Variants in SALL3 observed in about 807,000 individuals in gnomAD.
SALL3 encodes the protein spalt like transcription factor 3, also known as sal-like protein 3.
Under a neutral mutation model 66.2 loss-of-function variants are expected in SALL3, and 25 were observed. The ratio of observed to expected loss-of-function variants is 0.38; its 90% CI spans 0.28 to 0.53. The LOEUF (loss-of-function observed/expected upper bound fraction) is 0.53, where lower values mean the gene tolerates loss of function less well. Among genes scored for constraint, SALL3 ranks in the 20% least tolerant of loss-of-function variants. The pLI is 0.85. For synonymous variants in SALL3, 1,152 were observed against 899.1 expected, an observed-to-expected ratio of 1.28 and a Z score of -5.03; for missense variants, 2,194 against 1,916.5, an observed-to-expected ratio of 1.14 and a Z score of -2.70.
At chr18:78,983,083 A>G (rs973780397) in intron 1 of SALL3, among the ~76,000 whole-genome samples, 12 of 152,234 alleles carry the variant, frequency 7.9e-5, no homozygotes, top group African/African-American at 2.4e-4. Context: ...CTAGAATGAG[A>G]AAAAGTAAGG....
chr18:78,994,245 G>C lies in SALL3; in HGVS notation c.2254G>C (p.Val752Leu), dbSNP rs760494400. ...PICQKKFTNA[V>L]VLQQHIRMHM... ...CTGCCAGAAGAAGTTCACCAACGCCGTGGTCCTGCAGCAGCACATCCGCAT... is the reference window on the plus strand; with the variant it reads ...CTGCCAGAAGAAGTTCACCAACGCCCTGGTCCTGCAGCAGCACATCCGCAT... The change falls in exon 2 of 3, where the codon GTG (valine) becomes CTG (leucine). Residue 752 changes from valine to leucine, a missense_variant. By Grantham distance (32) the Val-to-Leu change is conservative. Transcript: ENST00000537592. 2.2e-5 allele frequency: 35 copies of C among 1,613,736 alleles called. No homozygotes were observed. The highest frequency in any genetic ancestry group is 3.0e-5 in the Non-Finnish European group (35 of 1,180,004).
rs764394899 is a variant in SALL3, at chr18:78,993,749, G to A, written c.1758G>A (p.Ser586=). Reference sequence around the variant, plus strand: ...CGGCCACCGCCGAGTCCCCACAGTCGCTCCTCGGCGGGCCGCCCCTCACTA... The same window carrying A: ...CGGCCACCGCCGAGTCCCCACAGTCACTCCTCGGCGGGCCGCCCCTCACTA... The part of the protein sequence containing the change: ...GVSATAESPQ[S]LLGGPPLTKA... Residue 586 remains serine (S), a synonymous_variant, in exon 2 of 3, where the codon TCG becomes TCA. Coordinates refer to ENST00000537592, the MANE Select transcript of SALL3 (RefSeq NM_171999.4). 5.8e-6 allele frequency: 9 copies of A among 1,544,398 alleles called. No individual in the cohort carries two copies. The highest frequency in any genetic ancestry group is 3.8e-5 in the Admixed American group (2 of 52,270).
chr18:78,996,933 C>A lies in SALL3; in HGVS notation c.3514C>A (p.Arg1172Ser). 6.2e-7 allele frequency: 1 copy of A among 1,612,826 alleles called. No homozygotes were observed. The highest frequency in any genetic ancestry group is 1.1e-5 in the South Asian group (1 of 91,070). The part of the protein sequence containing the change: ...THMWNNAPAR[R>S]GRRLSVENPM... ...CATGTGGAATAACGCCCCCGCGAGACGCGGCCGCCGCCTGTCTGTGGAGAA... is the reference window on the plus strand; with the variant it reads ...CATGTGGAATAACGCCCCCGCGAGAAGCGGCCGCCGCCTGTCTGTGGAGAA... The change falls in exon 3 of 3, where the codon CGC becomes AGC. Residue 1172 changes from arginine to serine, a missense_variant. Coordinates refer to ENST00000537592, the MANE Select transcript of SALL3 (RefSeq NM_171999.4).
chr18:78,989,990 ATTT>A (rs1374268488), intron 1 of SALL3, among the ~76,000 whole-genome samples: 1 of 152,236 alleles, frequency 6.6e-6, no homozygotes, highest in Non-Finnish European at 1.5e-5. Context: ...TTTTGTGATT[ATTT>A]TTAAGATACA....
Position 78,993,471 on chromosome 18 carries a change from T to A in SALL3, c.1480T>A (p.Cys494Ser). The A allele has an allele frequency of 6.2e-7, 1 of 1,612,492 alleles. No homozygotes were observed. Among genetic ancestry groups the A allele is most frequent in the Non-Finnish European group, 8.5e-7 (1 of 1,179,830 alleles). ...CGAGTACCTGGACAACGTGCCCACCTGCTCGGGCATCCCCTACGGCATGTC... is the reference window on the plus strand; with the variant it reads ...CGAGTACCTGGACAACGTGCCCACCAGCTCGGGCATCCCCTACGGCATGTC... ...VPEYLDNVPT[C>S]SGIPYGMSLP... The change falls in exon 2 of 3, where the codon TGC becomes AGC. Residue 494 changes from cysteine to serine, a missense_variant. Physicochemically the swap from Cys to Ser is moderately radical, Grantham distance 112. Transcript: ENST00000537592.
rs779333345 is a variant in SALL3, at chr18:78,995,309, G to C, written c.3318G>C (p.Pro1106=). The change falls in exon 2 of 3, where the codon CCG becomes CCC. Residue 1106 remains proline, a synonymous_variant. Transcript: ENST00000537592. Reference sequence around the variant, plus strand: ...TGGCGCCCATGCTGGCCCCCCCACCGCGCCGGACGCCCAAGCAGCACAACT... The same window carrying C: ...TGGCGCCCATGCTGGCCCCCCCACCCCGCCGGACGCCCAAGCAGCACAACT... ...PGLAPMLAPP[P]RRTPKQHNCQ... 4.5e-6 allele frequency: 7 copies of C among 1,568,674 alleles called. No individual in the cohort carries two copies. Among genetic ancestry groups the C allele is most frequent in the Admixed American group, 1.8e-5 (1 of 54,622 alleles).
intron 1 of SALL3, among the ~76,000 whole-genome samples, chr18:78,991,441 A>G (rs1914433219): frequency 6.6e-6 from 1 of 150,460 alleles, no homozygotes; most frequent in South Asian, 2.1e-4. Context: ...TTCTGAGCTG[A>G]TGTAAGAAAC....
In SALL3 at chr18:78,994,650, G is replaced by C; in HGVS notation, c.2659G>C (p.Glu887Gln). Residue 887 changes from glutamate to glutamine, a missense_variant, in exon 2 of 3, where the codon GAG becomes CAG. Coordinates refer to ENST00000537592, the MANE Select transcript of SALL3 (RefSeq NM_171999.4). ...NDSSSAVGDL[E>Q]SRSAGSPALS... ...CTCCTCGTCGGCCGTGGGCGACCTG[G>C]AGAGCCGCAGCGCGGGCAGCCCCGC... 1 of 1,609,308 alleles carries C rather than the reference G, an allele frequency of 6.2e-7. No homozygotes were observed. The highest frequency in any genetic ancestry group is 8.5e-7 in the Non-Finnish European group (1 of 1,178,656).
chr18:78,983,237 T>C (rs1040972263), intron 1 of SALL3, among the ~76,000 whole-genome samples: 2 of 152,248 alleles, frequency 1.3e-5, no homozygotes, highest in East Asian at 3.8e-4. Flanking sequence ...GCTGCAGCTT[T>C]AGGATCCAGT....
intron 1 of SALL3, among the ~76,000 whole-genome samples, chr18:78,990,137 T>G (rs1914377973): frequency 6.6e-6 from 1 of 152,200 alleles, no homozygotes; most frequent in East Asian, 1.9e-4. Flanking sequence ...TTGAGCAAAG[T>G]TGAGTACTTG....
chr18:78,995,176 A>G lies in SALL3; in HGVS notation c.3185A>G (p.Lys1062Arg). 1 of 1,612,934 alleles carries G rather than the reference A, an allele frequency of 6.2e-7. No individual in the cohort carries two copies. Among genetic ancestry groups the G allele is most frequent in the South Asian group, 1.1e-5 (1 of 91,074 alleles). The change falls in exon 2 of 3, where the codon AAA becomes AGA. Residue 1062 changes from lysine to arginine, a missense_variant. Physicochemically the swap from Lys to Arg is conservative, Grantham distance 26. Coordinates refer to ENST00000537592, the MANE Select transcript of SALL3 (RefSeq NM_171999.4). ...LISSAAPTMI[K>R]MEVNGHGKAM... ...TCCAGCGCCGCACCCACCATGATCA[A>G]AATGGAAGTGAACGGTCACGGCAAG... is the stretch of plus-strand genomic sequence containing the variant.
At chr18:78,989,180 G>A (rs1411220574) in intron 1 of SALL3, among the ~76,000 whole-genome samples, 1 of 152,092 alleles carries the variant, frequency 6.6e-6, no homozygotes, top group Admixed American at 6.5e-5. Context: ...TTCCACAATC[G>A]AGAAACAGTT....
rs961174553 is a variant in SALL3 at position 78,983,270 on chromosome 18, CTG to C, written c.82+2917_82+2918del. 3.3e-5 allele frequency among the ~76,000 whole-genome samples: 5 copies of C among 152,198 alleles called. No homozygotes were observed. In the South Asian group the frequency reaches 8.3e-4, roughly 25 times the overall value. On this transcript the variant is annotated intron_variant, in intron 1 of 2. Transcript: ENST00000537592. ...AGTGAACTTTGCGCCACTAGTAATC[CTG>C]TGAGCCAGCTGAATATTTTTGTTCT...
intron 1 of SALL3, chr18:78,991,711 AT>A (rs1914439891): frequency 4.0e-6 from 1 of 250,892 alleles, no homozygotes; most frequent in African/African-American, 2.2e-5. Context: ...GGCATCTCTA[AT>A]TTTGCTGGAA....
intron 1 of SALL3, among the ~76,000 whole-genome samples, chr18:78,988,339 T>C (rs906662325): frequency 1.3e-5 from 2 of 152,218 alleles, no homozygotes; most frequent in African/African-American, 4.8e-5. Context: ...TAATGTCAGA[T>C]TGGCACATAA....
chr18:78,995,168 C>T lies in SALL3; in HGVS notation c.3177C>T (p.Thr1059=), dbSNP rs1432482346. ...TPSLISSAAP[T]MIKMEVNGHG... is the part of the protein sequence containing the mutation. ...GCCTGATCTCCAGCGCCGCACCCAC[C>T]ATGATCAAAATGGAAGTGAACGGTC... Residue 1059 remains threonine, a synonymous_variant, in exon 2 of 3, where the codon ACC becomes ACT. Coordinates refer to ENST00000537592, the MANE Select transcript of SALL3 (RefSeq NM_171999.4). 2 of 1,613,122 alleles carry T rather than the reference C, an allele frequency of 1.2e-6. No homozygotes were observed. Among genetic ancestry groups the T allele is most frequent in the African/African-American group, 1.3e-5 (1 of 74,940 alleles).
At position 78,979,992 on chromosome 18, in the gene SALL3, C is replaced by G. The variant is rs1040981618; in HGVS notation, c.-283C>G. On this transcript the variant is annotated 5_prime_UTR_variant, in exon 1 of 3. Transcript: ENST00000537592. ...CGCCGGGCAGCGCGCGCCCCGGTCC[C>G]GAGGCGCCGCGGCCCCCTCCTCGTC... is the stretch of plus-strand genomic sequence containing the variant. Among the ~76,000 whole-genome samples the G allele has an allele frequency of 3.4e-5, 5 of 145,172 alleles. 1 individual carries two copies. The highest frequency in any genetic ancestry group is 4.2e-4 in the South Asian group (2 of 4,764).
In SALL3 at chr18:78,994,479, C is replaced by CCCCCCA; in HGVS notation, c.2489_2490insCCCCAC (p.Pro831_Ser832insThrPro). On this transcript the variant is annotated inframe_insertion, in exon 2 of 3. Transcript: ENST00000537592. ...ACTCCTGTCCTACGCGGGGTCCTGCCCGCCCTCCCCGCCCTCGGTCATCTC... is the reference window on the plus strand; with the variant it reads ...ACTCCTGTCCTACGCGGGGTCCTGCCCCCCCACGCCCTCCCCGCCCTCGGTCATCTC... 1 of 1,147,428 alleles carries CCCCCCA rather than the reference C, an allele frequency of 8.7e-7. No individual in the cohort carries two copies. Among genetic ancestry groups the CCCCCCA allele is most frequent in the Non-Finnish European group, 1.3e-6 (1 of 770,138 alleles). 71.1% of individuals were successfully genotyped at this position (1,147,428 alleles called of 1,614,324 possible). A position where few individuals can be genotyped will look rare whatever the true frequency, so the allele number is the denominator to read the frequency against.
At chr18:78,987,054 A>T (rs189695880) in intron 1 of SALL3, among the ~76,000 whole-genome samples, 7,138 of 151,680 alleles carry the variant, frequency 0.047, 181 homozygotes, top group Middle Eastern at 0.068. Flanking sequence ...ACTTATTTTT[A>T]AAAAAAAAAC....
Sources: gnomAD v4.1 joint callset for allele counts (sites outside exome capture counted in the v4.1 genomes callset) on GRCh38, gnomAD v4.1.1 for gene constraint, MANE v1.5 for transcripts, NCBI Gene and HGNC (gene_info 2026-07-23, HGNC 2026-07-21) for gene names.